The following RBM47 variants were observed in gnomAD, a reference collection of about 807,000 sequenced individuals.
RBM47 encodes the protein RNA-binding protein 47.
In RBM47, 21 loss-of-function variants were observed where a neutral mutation model predicts 47.1. That is an observed-to-expected ratio of 0.45 (90% CI 0.32 to 0.64). The LOEUF (loss-of-function observed/expected upper bound fraction) is 0.64. RBM47 is among the 30% of genes least tolerant of loss of function. The pLI, the probability that RBM47 is intolerant of heterozygous loss-of-function variation, is 0.05. For synonymous variants in RBM47, 375 were observed against 361.7 expected, an observed-to-expected ratio of 1.04 and a Z score of -0.42; for missense variants, 708 against 870.9, an observed-to-expected ratio of 0.81 and a Z score of 2.35.
chr4:40,462,617 C>T (rs563970915), intron 3 of RBM47, among the ~76,000 whole-genome samples: 140 of 152,216 alleles, frequency 9.2e-4, no homozygotes, highest in African/African-American at 3.2e-3. Context: ...TTGCTTTCAC[C>T]TGTCTGTTGG....
At chr4:40,528,996 G>T (rs1251047223) in intron 2 of RBM47, among the ~76,000 whole-genome samples, 4 of 151,330 alleles carry the variant, frequency 2.6e-5, no homozygotes, top group Non-Finnish European at 5.9e-5. Context: ...AATAAAGAAA[G>T]AAATAATAAA....
rs974541710 is a variant in RBM47, at chr4:40,424,621, C to T, written c.*1283G>A. The T allele has an allele frequency of 2.0e-5, 3 of 152,144 alleles. No homozygotes were observed. Among genetic ancestry groups the T allele is most frequent in the African/African-American group, 7.2e-5 (3 of 41,416 alleles). The allele number at this position is 152,144 out of a possible 1,614,324, so 9.4% of individuals were successfully genotyped here. On this transcript the variant is annotated 3_prime_UTR_variant, in exon 7 of 7. Coordinates refer to ENST00000295971, the MANE Select transcript of RBM47 (RefSeq NM_001098634.2). ...CTCCTCCTCCTCCTGGATGTGCACA[C>T]CCCAATCCAGTTCACCCATCAAGTG... is the stretch of plus-strand genomic sequence containing the variant.
chr4:40,560,665 T>A (rs1171180611), intron 1 of RBM47, among the ~76,000 whole-genome samples: 1 of 152,180 alleles, frequency 6.6e-6, no homozygotes, highest in Non-Finnish European at 1.5e-5. Context: ...CTGACCACCA[T>A]AACTAAAAAG....
At chr4:40,487,170 G>A (rs1721203319) in intron 2 of RBM47, among the ~76,000 whole-genome samples, 1 of 152,310 alleles carries the variant, frequency 6.6e-6, no homozygotes, top group South Asian at 2.1e-4. Flanking sequence ...CCTTCATGGG[G>A]ATTGGCAGAT....
At chr4:40,612,009 G>A (rs1736306595) in intron 1 of RBM47, among the ~76,000 whole-genome samples, 1 of 152,186 alleles carries the variant, frequency 6.6e-6, no homozygotes, top group Non-Finnish European at 1.5e-5. Flanking sequence ...GATGGAAATG[G>A]AATAGAATTC....
chr4:40,537,148 G>A (rs931038034), intron 2 of RBM47, among the ~76,000 whole-genome samples: 1 of 152,116 alleles, frequency 6.6e-6, no homozygotes, highest in Non-Finnish European at 1.5e-5. Context: ...GTCTCACTCT[G>A]TTGCCCAGGC....
chr4:40,624,842 ATCTTTTCTTTTCTTTT>A (rs1737578100), intron 1 of RBM47, among the ~76,000 whole-genome samples: 3 of 145,702 alleles, frequency 2.1e-5, no homozygotes, highest in Non-Finnish European at 4.6e-5. Flanking sequence ...TATTTAAGCC[ATCTTTTCTTTTCTTTT>A]TCTTTTTTTT....
At chr4:40,433,163 G>T (rs1000890316) in intron 5 of RBM47, among the ~76,000 whole-genome samples, 1 of 152,046 alleles carries the variant, frequency 6.6e-6, no homozygotes, top group Non-Finnish European at 1.5e-5. Context: ...GTTTCGCCAC[G>T]TTGCCCAGGC....
At chr4:40,491,023 A>C (rs1003747703) in intron 2 of RBM47, among the ~76,000 whole-genome samples, 2 of 152,182 alleles carry the variant, frequency 1.3e-5, no homozygotes, top group African/African-American at 4.8e-5. Flanking sequence ...AAAATTTACT[A>C]CAAAGCTACA....
chr4:40,552,337 G>A (rs1281704875), intron 1 of RBM47, among the ~76,000 whole-genome samples: 2 of 152,088 alleles, frequency 1.3e-5, no homozygotes, highest in African/African-American at 4.8e-5. Flanking sequence ...GGTGGAGGTT[G>A]CAGTGAGCTG....
intron 1 of RBM47, among the ~76,000 whole-genome samples, chr4:40,565,524 T>G (rs988677791): frequency 1.3e-5 from 2 of 152,204 alleles, no homozygotes; most frequent in African/African-American, 4.8e-5. Context: ...TTCCACATTT[T>G]AACAACTAGT....
rs1303974197 is a variant in RBM47 at position 40,438,548 on chromosome 4, C to T, written c.346G>A (p.Val116Ile). 2.5e-6 allele frequency: 4 copies of T among 1,613,928 alleles called. No homozygotes were observed. The highest frequency in any genetic ancestry group is 3.4e-6 in the Non-Finnish European group (4 of 1,179,988). ...GCCTCGTGCTTGTGGCAGTACATGA[C>T]GAAGGCGTAGCCGCGGTTCTTGCCG... is the stretch of plus-strand genomic sequence containing the variant. ...FDGKNRGYAF[V>I]MYCHKHEAKR... The change falls in exon 4 of 7, where the codon GTC (valine) becomes ATC (isoleucine). Residue 116 changes from valine to isoleucine, a missense_variant. Physicochemically the swap from Val to Ile is conservative, Grantham distance 29. Coordinates refer to ENST00000295971, the MANE Select transcript of RBM47 (RefSeq NM_001098634.2).
At chr4:40,617,097 A>C (rs936147143) in intron 1 of RBM47, among the ~76,000 whole-genome samples, 3 of 151,804 alleles carry the variant, frequency 2.0e-5, no homozygotes, top group African/African-American at 7.3e-5. Context: ...GCTGGTCTCA[A>C]ACTCCTGACC....
At chr4:40,535,367 A>ATTTT (rs1727836142) in intron 2 of RBM47, among the ~76,000 whole-genome samples, 8 of 86,250 alleles carry the variant, frequency 9.3e-5, no homozygotes, top group African/African-American at 3.8e-4. Flanking sequence ...CTGGTATGGT[A>ATTTT]TTTCTTTTTT....
chr4:40,556,476 C>T (rs984615054), intron 1 of RBM47, among the ~76,000 whole-genome samples: 3 of 151,948 alleles, frequency 2.0e-5, no homozygotes, highest in African/African-American at 7.3e-5. Flanking sequence ...CACTGCACTC[C>T]AGATTGGGTG....
chr4:40,549,853 G>T lies in RBM47; in HGVS notation c.-239-5347C>A, dbSNP rs569333532. 3.9e-5 allele frequency among the ~76,000 whole-genome samples: 6 copies of T among 152,170 alleles called. No individual in the cohort carries two copies. In the East Asian group the frequency reaches 1.2e-3, roughly 30 times the overall value. ...GTGCCACCACGCCTGGCTAATTTTT[G>T]TATTTTTAGTAGAGACAGGGTTTCA... On this transcript the variant is annotated intron_variant, in intron 1 of 6. Transcript: ENST00000295971.
At position 40,423,651 on chromosome 4, in the gene RBM47, T is replaced by TC. The variant is rs1714639668; in HGVS notation, c.*2252_*2253insG. On this transcript the variant is annotated 3_prime_UTR_variant, in exon 7 of 7. Coordinates refer to ENST00000295971, the MANE Select transcript of RBM47 (RefSeq NM_001098634.2). ...ATCATTTTTTTTTATTCTTTCTTTCTTTTTCTTTCTTTCTTTCTTTCTTTC... is the reference window on the plus strand; with the variant it reads ...ATCATTTTTTTTTATTCTTTCTTTCTCTTTTCTTTCTTTCTTTCTTTCTTTC... The TC allele has an allele frequency of 7.4e-6, 1 of 134,800 alleles. No homozygotes were observed. The highest frequency in any genetic ancestry group is 2.8e-5 in the African/African-American group (1 of 35,462). 8.4% of individuals were successfully genotyped at this position (134,800 alleles called of 1,614,324 possible). A position where few individuals can be genotyped will look rare whatever the true frequency, so the allele number is the denominator to read the frequency against.
intron 1 of RBM47, among the ~76,000 whole-genome samples, chr4:40,579,753 T>G (rs977288539): frequency 4.0e-5 from 1 of 25,136 alleles, no homozygotes; most frequent in Non-Finnish European, 1.1e-4. Context: ...AGGGTAATTT[T>G]TTTTTTTTTT....
chr4:40,617,233 C>A (rs1736836646), intron 1 of RBM47, among the ~76,000 whole-genome samples: 2 of 152,014 alleles, frequency 1.3e-5, no homozygotes, highest in African/African-American at 4.8e-5. Context: ...AATCTCTGTT[C>A]ACACAAATTT....
Sources: allele counts gnomAD v4.1 joint callset (sites outside exome capture counted in the v4.1 genomes callset), GRCh38; gene constraint gnomAD v4.1.1; transcripts MANE v1.5; gene names NCBI Gene and HGNC (gene_info 2026-07-23, HGNC 2026-07-21).